The following BAZ2B variants were observed in gnomAD, a reference collection of about 807,000 sequenced individuals.
The protein encoded by BAZ2B is bromodomain adjacent to zinc finger domain 2B, also known as bromodomain adjacent to zinc finger domain protein 2B.
BAZ2B carries 91 observed loss-of-function variants against 246.0 expected under a neutral mutation model. The ratio of observed to expected loss-of-function variants is 0.37; its 90% confidence interval spans 0.31 to 0.44. The LOEUF is 0.44. BAZ2B is among the 20% of genes least tolerant of loss of function. BAZ2B has a pLI of 1.00. For synonymous variants in BAZ2B, 855 were observed against 860.0 expected, an observed-to-expected ratio of 0.99 and a Z score of 0.10; for missense variants, 2,332 against 2,533.7, an observed-to-expected ratio of 0.92 and a Z score of 1.71.
chr2:159,347,580 G>A lies in BAZ2B; in HGVS notation c.5360C>T (p.Ser1787Leu). 1.2e-6 allele frequency: 2 copies of A among 1,613,070 alleles called. No homozygotes were observed. The highest frequency in any genetic ancestry group is 1.7e-6 in the Non-Finnish European group (2 of 1,179,292). The change falls in exon 31 of 37, where the codon TCA becomes TTA. Residue 1787 changes from serine (S) to leucine (L), a missense_variant. By Grantham distance (145) the Ser-to-Leu change is moderately radical. This residue lies in a region of BAZ2B where 676 missense variants were observed against 668.6 expected (regional missense o/e 1.01). Transcript: ENST00000392783. ...CATTTCCATTGCTTGTTCTTCTACTGACCAGTTCTCCACAATATCTCGAGT... is the reference window on the plus strand; with the variant it reads ...CATTTCCATTGCTTGTTCTTCTACTAACCAGTTCTCCACAATATCTCGAGT... ...QVTRDIVENW[S>L]VEEQAMEMDL... is the part of the protein sequence containing the mutation.
chr2:159,516,605 G>A (rs1006141783), intron 2 of BAZ2B: 27 of 152,466 alleles, frequency 1.8e-4, no homozygotes, highest in African/African-American at 5.6e-4. Flanking sequence ...AGATACTGTC[G>A]GAGAGGGTCA....
rs753677056 is a variant in BAZ2B, at chr2:159,325,927, T to A, written c.5944-9A>T. 7 of 1,552,176 alleles carry A rather than the reference T, an allele frequency of 4.5e-6. No homozygotes were observed. Among genetic ancestry groups the A allele is most frequent in the South Asian group, 1.2e-5 (1 of 81,982 alleles). The stretch of plus-strand genomic sequence containing the variant: ...AGAGTTTGACCACTTGCCTTTAATT[T>A]AAAAAAAAAGTAAATGAGGTGTAAG... On this transcript the variant is annotated splice_polypyrimidine_tract_variant and intron_variant, in intron 34 of 36. Transcript: ENST00000392783.
At chr2:159,371,068 A>G (rs1266790603) in intron 27 of BAZ2B, among the ~76,000 whole-genome samples, 6 of 152,212 alleles carry the variant, frequency 3.9e-5, no homozygotes, top group Non-Finnish European at 5.9e-5. Context: ...TTGACCTCAC[A>G]AAGTGCTGGG....
chr2:159,453,766 T>A lies in BAZ2B; in HGVS notation c.181A>T (p.Asn61Tyr). ...AAGGCACTCGACACTGTGGACAGGTTAAACGGTTGATCCCCAGCTGTTCTG... is the reference window on the plus strand; with the variant it reads ...AAGGCACTCGACACTGTGGACAGGTAAAACGGTTGATCCCCAGCTGTTCTG... Reference protein sequence around the residue: ...LFRTAGDQPFNLSTVSSAFPM... With the variant: ...LFRTAGDQPFYLSTVSSAFPM... The change falls in exon 4 of 37, where the codon AAC becomes TAC. Residue 61 changes from asparagine (N) to tyrosine (Y), a missense_variant. Around this residue, in one of 9 missense-constraint regions of BAZ2B, gnomAD observed 242 missense variants for 237.4 expected, o/e 1.02. Transcript: ENST00000392783. 1.9e-6 allele frequency: 3 copies of A among 1,611,736 alleles called. No homozygotes were observed. Among genetic ancestry groups the A allele is most frequent in the Non-Finnish European group, 2.5e-6 (3 of 1,178,868 alleles).
rs1375647247 is a variant in BAZ2B at position 159,438,494 on chromosome 2, C to T, written c.1102G>A (p.Val368Met). The change falls in exon 8 of 37, where the codon GTG becomes ATG. Residue 368 changes from valine (V) to methionine (M), a missense_variant. Physicochemically the swap from Val to Met is conservative, Grantham distance 21 (BLOSUM62 1). This residue lies in a region of BAZ2B where 161 missense variants were observed against 225.8 expected (regional missense o/e 0.71). Coordinates refer to ENST00000392783, the MANE Select transcript of BAZ2B (RefSeq NM_013450.4). ...FQSSQAKEES[V>M]NKHTSVIQST... is the part of the protein sequence containing the mutation. ...TGTATTACACTGGTGTGTTTGTTCA[C>T]AGATTCCTCCTTTGCCTGAGAGCTT... The T allele has an allele frequency of 1.9e-6, 3 of 1,614,150 alleles. No homozygotes were observed. The highest frequency in any genetic ancestry group is 2.5e-6 in the Non-Finnish European group (3 of 1,180,014).
upstream of BAZ2B, among the ~76,000 whole-genome samples, chr2:159,620,358 G>A (rs926197816): frequency 1.3e-5 from 2 of 152,294 alleles, no homozygotes; most frequent in East Asian, 3.9e-4. Context: ...AAACATTTGA[G>A]TGCTTGCTAT....
intron 3 of BAZ2B, among the ~76,000 whole-genome samples, chr2:159,474,707 T>C (rs2078275792): frequency 6.6e-6 from 1 of 152,212 alleles, no homozygotes; most frequent in Non-Finnish European, 1.5e-5. Flanking sequence ...GTTATTCTTT[T>C]CCATGTATAG....
At chr2:159,322,832 A>C (rs1485838577) in intron 36 of BAZ2B, among the ~76,000 whole-genome samples, 1 of 152,172 alleles carries the variant, frequency 6.6e-6, no homozygotes, top group Non-Finnish European at 1.5e-5. Context: ...CAAACAACTC[A>C]AAGTGGAGAG....
chr2:159,605,255 G>C (rs558412809), intron 1 of BAZ2B, among the ~76,000 whole-genome samples: 1 of 151,830 alleles, frequency 6.6e-6, no homozygotes, highest in East Asian at 1.9e-4. Context: ...GGCTGATCTT[G>C]AACTCCTAGC....
chr2:159,323,073 C>T (rs1001388638), intron 36 of BAZ2B, among the ~76,000 whole-genome samples: 3 of 127,644 alleles, frequency 2.4e-5, no homozygotes, highest in Admixed American at 7.5e-5. Flanking sequence ...CTGCAACCTG[C>T]ACCTCCAGTT....
chr2:159,510,201 G>T (rs1423719526), intron 2 of BAZ2B, among the ~76,000 whole-genome samples: 1 of 151,954 alleles, frequency 6.6e-6, no homozygotes, highest in Non-Finnish European at 1.5e-5. Flanking sequence ...AATTTTTTTT[G>T]AGACAGGGTC....
At chr2:159,474,018 TAAG>T (rs944661505) in intron 3 of BAZ2B, among the ~76,000 whole-genome samples, 11 of 152,200 alleles carry the variant, frequency 7.2e-5, no homozygotes, top group African/African-American at 2.4e-4. Context: ...GACGTGGTGC[TAAG>T]AAGACTCTAT....
chr2:159,481,586 T>C (rs1444002533), intron 2 of BAZ2B, among the ~76,000 whole-genome samples: 2 of 151,886 alleles, frequency 1.3e-5, no homozygotes, highest in Admixed American at 6.6e-5. Context: ...AGTTTCACAG[T>C]GGAGAAACAA....
At chr2:159,669,064 A>AAAAG in the BAZ2B span, among the ~76,000 whole-genome samples, 45 of 151,100 alleles carry the variant, frequency 3.0e-4, no homozygotes, top group South Asian at 8.4e-4. Flanking sequence ...TCTCAAAAAA[A>AAAAG]AAAGAAAGAA....
In BAZ2B at chr2:159,412,542, T is replaced by A. The variant is rs2066984429; in HGVS notation, c.2470A>T (p.Met824Leu). 1 of 1,612,126 alleles carries A rather than the reference T, an allele frequency of 6.2e-7. No individual in the cohort carries two copies. The highest frequency in any genetic ancestry group is 1.7e-4 in the Middle Eastern group (1 of 6,058). ...FYEARDGPQGMQWCLLKEEDV... is the reference protein window; with the variant it reads ...FYEARDGPQGLQWCLLKEEDV... ...TCTTCTTTCAAAAGACACCACTGCA[T>A]TCCCTTTTAATTAACATTTTATAGA... The change falls in exon 14 of 37, where the codon ATG becomes TTG. Residue 824 changes from methionine (M) to leucine (L), a missense_variant. By Grantham distance (15) the Met-to-Leu change is conservative. Coordinates refer to ENST00000392783, the MANE Select transcript of BAZ2B (RefSeq NM_013450.4).
chr2:159,575,308 G>GA (rs1217108910), intron 1 of BAZ2B, among the ~76,000 whole-genome samples: 3 of 151,510 alleles, frequency 2.0e-5, no homozygotes, highest in Non-Finnish European at 2.9e-5. Context: ...GCCTCCCAAA[G>GA]AAAAAAAACC....
At chr2:159,622,971 CAAA>C in the BAZ2B span, among the ~76,000 whole-genome samples, 5 of 70,630 alleles carry the variant, frequency 7.1e-5, no homozygotes, top group East Asian at 5.5e-4. Context: ...GACCCTGTCT[CAAA>C]AAAAAAAAAA....
intron 2 of BAZ2B, among the ~76,000 whole-genome samples, chr2:159,519,640 A>AGGTC (rs2083898515): frequency 6.8e-6 from 1 of 147,772 alleles, no homozygotes; most frequent in Non-Finnish European, 1.5e-5. Context: ...ATTGGTAGGT[A>AGGTC]GGTCCAGACA....
At chr2:159,494,618 T>C (rs2080868850) in intron 2 of BAZ2B, among the ~76,000 whole-genome samples, 1 of 152,206 alleles carries the variant, frequency 6.6e-6, no homozygotes, top group South Asian at 2.1e-4. Flanking sequence ...CCTTCCAGTC[T>C]ATGACAAAGA....
Sources: allele counts gnomAD v4.1 joint callset (sites outside exome capture counted in the v4.1 genomes callset), GRCh38; gene constraint gnomAD v4.1.1; regional missense constraint gnomAD v4.1.1; transcripts MANE v1.5; gene names NCBI Gene and HGNC (gene_info 2026-07-23, HGNC 2026-07-21).